PDIK1L: variants seen among roughly 807,000 people sequenced by gnomAD.
The protein encoded by PDIK1L is PDLIM1 interacting kinase 1 like, also known as serine/threonine-protein kinase PDIK1L.
A neutral mutation model predicts 27.1 loss-of-function variants in PDIK1L; 9 were observed. The ratio of observed to expected loss-of-function variants is 0.33; its 90% CI spans 0.20 to 0.58. PDIK1L has a LOEUF of 0.58. Ranked by LOEUF, PDIK1L falls within the 20% of genes least tolerant of loss-of-function variation. The pLI is 0.86. For synonymous variants in PDIK1L, 130 were observed against 141.7 expected, an observed-to-expected ratio of 0.92 and a Z score of 0.59; for missense variants, 216 against 413.2, an observed-to-expected ratio of 0.52 and a Z score of 4.14.
rs893138644 is a variant in PDIK1L at position 26,125,317 on chromosome 1, A to G, written c.*2740A>G. 7 of 152,588 alleles carry G rather than the reference A, an allele frequency of 4.6e-5. No individual in the cohort carries two copies. The highest frequency in any genetic ancestry group is 7.4e-5 in the Non-Finnish European group (5 of 68,006). The allele number at this position is 152,588 out of a possible 1,614,324, so 9.5% of individuals were successfully genotyped here. On this transcript the variant is annotated 3_prime_UTR_variant, in exon 3 of 3. Transcript: ENST00000374269. Reference sequence around the variant, plus strand: ...CTTCGTTGTTGTTGTTTTTAATTGTAAATTGTTATCAATCAAACTATTGTA... The same window carrying G: ...CTTCGTTGTTGTTGTTTTTAATTGTGAATTGTTATCAATCAAACTATTGTA...
At chr1:26,120,577 C>T (rs2087962209) in intron 2 of PDIK1L, among the ~76,000 whole-genome samples, 2 of 152,206 alleles carry the variant, frequency 1.3e-5, no homozygotes, top group African/African-American at 4.8e-5. Flanking sequence ...ATTAGCAATT[C>T]ATTCACTCTT....
At position 26,122,105 on chromosome 1, in the gene PDIK1L, C is replaced by G; in HGVS notation, c.554C>G (p.Thr185Ser). The change falls in exon 3 of 3, where the codon ACC becomes AGC. Residue 185 changes from threonine to serine, a missense_variant. Thr to Ser is a moderately conservative substitution (Grantham distance 58). Around this residue, in one of 2 missense-constraint regions of PDIK1L, gnomAD observed 169 missense variants for 366.0 expected, o/e 0.46. Coordinates refer to ENST00000374269, the MANE Select transcript of PDIK1L (RefSeq NM_152835.5). This position sits in a 1 kb window ranked among gnomAD's most constrained non-coding sequence, Gnocchi z 5.4. ...TTGGATACCAGTGACTTGGAACCTA[C>G]CCTCAAAGTGGCTGATTTTGGTCTA... ...TRLDTSDLEP[T>S]LKVADFGLSK... The G allele has an allele frequency of 6.2e-7, 1 of 1,613,930 alleles. No homozygotes were observed. Among genetic ancestry groups the G allele is most frequent in the Non-Finnish European group, 8.5e-7 (1 of 1,179,994 alleles).
At chr1:26,115,544 G>A (rs757043131) in intron 2 of PDIK1L, among the ~76,000 whole-genome samples, 1 of 152,316 alleles carries the variant, frequency 6.6e-6, no homozygotes, top group Middle Eastern at 3.4e-3. Context: ...GCTCACGCCT[G>A]TAATCCCAGC....
chr1:26,120,834 C>G (rs887475865), intron 2 of PDIK1L, among the ~76,000 whole-genome samples: 1 of 151,810 alleles, frequency 6.6e-6, no homozygotes, highest in African/African-American at 2.4e-5. Context: ...CGCCTGTAGT[C>G]TCGGCTACTT....
intron 2 of PDIK1L, among the ~76,000 whole-genome samples, chr1:26,120,015 A>T (rs2087950925): frequency 2.0e-5 from 3 of 152,248 alleles, no homozygotes. Context: ...GAAGGGCCTC[A>T]GTCAAGAGAA....
chr1:26,123,609 G>C lies in PDIK1L; in HGVS notation c.*1032G>C, dbSNP rs934395746. The C allele has an allele frequency of 3.3e-5, 5 of 152,614 alleles. No individual in the cohort carries two copies. The highest frequency in any genetic ancestry group is 5.9e-5 in the Non-Finnish European group (4 of 68,042). 9.5% of individuals were successfully genotyped at this position (152,614 alleles called of 1,614,324 possible). A position where few individuals can be genotyped will look rare whatever the true frequency, so the allele number is the denominator to read the frequency against. On this transcript the variant is annotated 3_prime_UTR_variant, in exon 3 of 3. Transcript: ENST00000374269. ...ACCCTCACTTTGCCTGCCCTGATAT[G>C]ATCACTTGTTGAGTCACTGGAGTTC...
chr1:26,113,973 A>C (rs2087841021), intron 1 of PDIK1L, among the ~76,000 whole-genome samples: 1 of 152,108 alleles, frequency 6.6e-6, no homozygotes, highest in South Asian at 2.1e-4. Flanking sequence ...CTAGCTGTTG[A>C]CCTTAGGCGT....
chr1:26,124,411 T>C lies in PDIK1L; in HGVS notation c.*1834T>C, dbSNP rs2088043530. 6.6e-6 allele frequency: 1 copy of C among 152,172 alleles called. No individual in the cohort carries two copies. Among genetic ancestry groups the C allele is most frequent in the South Asian group, 2.1e-4 (1 of 4,834 alleles). The allele number at this position is 152,172 out of a possible 1,614,324, so 9.4% of individuals were successfully genotyped here. A position where few individuals can be genotyped will look rare whatever the true frequency, so the allele number is the denominator to read the frequency against. The stretch of plus-strand genomic sequence containing the variant: ...TAATTGACCCTCTGGATCACCAGAT[T>C]AGTTTAATTTAACAGATATGTCCAA... On this transcript the variant is annotated 3_prime_UTR_variant, in exon 3 of 3. Coordinates refer to ENST00000374269, the MANE Select transcript of PDIK1L (RefSeq NM_152835.5).
chr1:26,112,532 C>T (rs967879593), intron 1 of PDIK1L: 1 of 152,300 alleles, frequency 6.6e-6, no homozygotes, highest in Non-Finnish European at 1.5e-5. Flanking sequence ...CACGAACCAC[C>T]TTGAGTGGAT....
intron 2 of PDIK1L, among the ~76,000 whole-genome samples, chr1:26,116,771 A>C (rs2087883282): frequency 1.3e-5 from 2 of 152,146 alleles, no homozygotes; most frequent in South Asian, 4.1e-4. Flanking sequence ...GCTGGAGCGC[A>C]GTGGTGCAAT....
Position 26,122,846 on chromosome 1 carries a change from A to G in PDIK1L, c.*269A>G, listed in dbSNP as rs79778025. 0.23 allele frequency: 45,363 copies of G among 196,050 alleles called. 3,971 individuals carry two copies. The highest frequency in any genetic ancestry group is 0.28 in the Middle Eastern group (201 of 720). 12.1% of individuals were successfully genotyped at this position (196,050 alleles called of 1,614,324 possible). A position where few individuals can be genotyped will look rare whatever the true frequency, so the allele number is the denominator to read the frequency against. On this transcript the variant is annotated 3_prime_UTR_variant, in exon 3 of 3. Coordinates refer to ENST00000374269, the MANE Select transcript of PDIK1L (RefSeq NM_152835.5). This position sits in a 1 kb window ranked among gnomAD's most constrained non-coding sequence, Gnocchi z 5.4. ...CAGGAAAATTCTTTAAGAGCTAACA[A>G]GAGAAGAGAGTCCAGTTTTCTGGAA... is the stretch of plus-strand genomic sequence containing the variant.
At chr1:26,116,707 T>G (rs1569807315) in intron 2 of PDIK1L, among the ~76,000 whole-genome samples, 1 of 152,182 alleles carries the variant, frequency 6.6e-6, no homozygotes, top group East Asian at 1.9e-4. Flanking sequence ...GCCCTGAAGT[T>G]TTTTGTTTTT....
upstream of PDIK1L, chr1:26,111,197 C>G (rs1253638403): frequency 6.3e-6 from 1 of 157,880 alleles, no homozygotes; most frequent in African/African-American, 2.4e-5. This position sits in a 1 kb window ranked among gnomAD's most constrained non-coding sequence, Gnocchi z 4.0. Flanking sequence ...GCCGCCGCCG[C>G]CGCCGCCGTC....
Position 26,122,490 on chromosome 1 carries a change from T to C in PDIK1L, c.939T>C (p.Ala313=), listed in dbSNP as rs747139607. The change falls in exon 3 of 3, where the codon GCT becomes GCC. Residue 313 remains alanine (A), a synonymous_variant. Transcript: ENST00000374269. This position sits in a 1 kb window ranked among gnomAD's most constrained non-coding sequence, Gnocchi z 5.4. ...RMKQLIKEML[A]ANPQDRPDAF... is the part of the protein sequence containing the mutation. ...AACAACTGATTAAGGAAATGCTGGC[T>C]GCAAACCCTCAGGATCGTCCAGATG... is the stretch of plus-strand genomic sequence containing the variant. 6.2e-7 allele frequency: 1 copy of C among 1,614,176 alleles called. No homozygotes were observed. The highest frequency in any genetic ancestry group is 1.1e-5 in the South Asian group (1 of 91,082).
In PDIK1L at chr1:26,124,663, A is replaced by T. The variant is rs557792986; in HGVS notation, c.*2086A>T. The T allele has an allele frequency of 5.3e-5, 8 of 152,282 alleles. No homozygotes were observed. In the East Asian group the frequency reaches 1.5e-3, roughly 29 times the overall value. 9.4% of individuals were successfully genotyped at this position (152,282 alleles called of 1,614,324 possible). On this transcript the variant is annotated 3_prime_UTR_variant, in exon 3 of 3. Transcript: ENST00000374269. ...TGGAAAGATTTTACCTGTGAAGTGA[A>T]ATTCTTTCATTGGGGGTAAGGGTAT...
intron 2 of PDIK1L, among the ~76,000 whole-genome samples, chr1:26,116,202 C>CAAA (rs56019165): frequency 1.9e-4 from 24 of 128,602 alleles, no homozygotes; most frequent in African/African-American, 6.8e-4. Flanking sequence ...GACTCCATCT[C>CAAA]AAAAAAAAAA....
chr1:26,122,704 A>ATTT lies in PDIK1L; in HGVS notation c.*135_*137dup. The ATTT allele has an allele frequency of 9.0e-7, 1 of 1,115,294 alleles. No individual in the cohort carries two copies. The highest frequency in any genetic ancestry group is 1.2e-6 in the Non-Finnish European group (1 of 855,472). 69.1% of individuals were successfully genotyped at this position (1,115,294 alleles called of 1,614,324 possible). A position where few individuals can be genotyped will look rare whatever the true frequency, so the allele number is the denominator to read the frequency against. On this transcript the variant is annotated 3_prime_UTR_variant, in exon 3 of 3. Transcript: ENST00000374269. The surrounding 1 kb of genome is among the most constrained non-coding windows in gnomAD (Gnocchi z 5.4). Reference sequence around the variant, plus strand: ...TCTAAGGGTTTAGATTTTTTGTGGGATTTTTTTTTTCCTCATTTTTCTTAA... The same window carrying ATTT: ...TCTAAGGGTTTAGATTTTTTGTGGGATTTTTTTTTTTTTCCTCATTTTTCTTAA...
chr1:26,114,135 T>G lies in PDIK1L; in HGVS notation c.-17-157T>G, dbSNP rs2087842954. Among the ~76,000 whole-genome samples the G allele has an allele frequency of 6.6e-6, 1 of 152,214 alleles. No homozygotes were observed. Among genetic ancestry groups the G allele is most frequent in the Admixed American group, 6.5e-5 (1 of 15,278 alleles). ...TGGTAAATACTACCTGTTAGCTTTA[T>G]TGTTACTATTCTTAAAATTAGATTT... On this transcript the variant is annotated intron_variant, in intron 1 of 2. Coordinates refer to ENST00000374269, the MANE Select transcript of PDIK1L (RefSeq NM_152835.5). The surrounding 1 kb of genome is among the most constrained non-coding windows in gnomAD (Gnocchi z 4.8).
At chr1:26,111,445 G>C (rs1335619891), upstream of PDIK1L, 1 of 151,796 alleles carries the variant, frequency 6.6e-6, no homozygotes, top group Non-Finnish European at 1.5e-5. The surrounding 1 kb of genome is among the most constrained non-coding windows in gnomAD (Gnocchi z 4.0). Context: ...GGCGGGTAGA[G>C]GGAGGGGAGG....
Sources: gnomAD v4.1 joint callset for allele counts (sites outside exome capture counted in the v4.1 genomes callset) on GRCh38, gnomAD v4.1.1 for gene constraint, gnomAD v4.1.1 regional missense constraint, Gnocchi (gnomAD v3.1) non-coding constraint, MANE v1.5 for transcripts, NCBI Gene and HGNC (gene_info 2026-07-23, HGNC 2026-07-21) for gene names.